Variants in ADGRG7 observed in about 807,000 individuals in gnomAD.
ADGRG7 encodes the protein G-protein coupled receptor 128.
ADGRG7 carries 82 observed loss-of-function variants against 88.6 expected under a neutral mutation model. That is an observed-to-expected ratio of 0.93 (90% CI 0.77 to 1.11). The LOEUF (loss-of-function observed/expected upper bound fraction) is 1.11. Ranked by LOEUF, ADGRG7 falls within the 50% of genes most tolerant of loss-of-function variation. The pLI, the probability that ADGRG7 is intolerant of heterozygous loss-of-function variation, is 0.00. For missense variants in ADGRG7, 945 were observed against 953.4 expected (o/e 0.99, Z 0.12); for synonymous variants, 381 against 345.2 (o/e 1.10, Z -1.15).
intron 14 of ADGRG7, among the ~76,000 whole-genome samples, chr3:100,664,169 G>A (rs1197337958): frequency 6.6e-6 from 1 of 151,978 alleles, no homozygotes; most frequent in African/African-American, 2.4e-5. Flanking sequence ...CTTTAAAAAA[G>A]TATTAATTTC....
intron 9 of ADGRG7, among the ~76,000 whole-genome samples, 195 bp from the exon 10 acceptor site, chr3:100,646,374 G>T (rs904366815): frequency 6.6e-6 from 1 of 152,160 alleles, no homozygotes; most frequent in Admixed American, 6.5e-5. Flanking sequence ...CATATCTGTT[G>T]TCAAACTAAC....
intron 1 of ADGRG7, among the ~76,000 whole-genome samples, chr3:100,620,832 TG>T (rs34070804): frequency 0.27 from 41,023 of 151,078 alleles, 5,994 homozygotes; most frequent in Non-Finnish European, 0.34. Flanking sequence ...ATAGGTATTA[TG>T]TTTTTTTTTT....
At chr3:100,638,293 G>A (rs1707579951) in intron 6 of ADGRG7, among the ~76,000 whole-genome samples, 1 of 152,180 alleles carries the variant, frequency 6.6e-6, no homozygotes, top group African/African-American at 2.4e-5. Flanking sequence ...ATTAAGTGAT[G>A]AGGGAAGCTC....
chr3:100,669,061 A>C lies in ADGRG7; in HGVS notation c.2092A>C (p.Arg698=). Residue 698 remains arginine (R), a synonymous_variant, in exon 15 of 16, where the codon AGG becomes CGG. Coordinates refer to ENST00000273352, the MANE Select transcript of ADGRG7 (RefSeq NM_032787.3). ...YLMLVNDDSI[R]IVFSYIFCLF... ...GATGCTAGTTAATGATGATAGCATCAGGATCGTCTTCAGCTACATATTCTG... is the reference window on the plus strand; with the variant it reads ...GATGCTAGTTAATGATGATAGCATCCGGATCGTCTTCAGCTACATATTCTG... The C allele has an allele frequency of 6.2e-7, 1 of 1,601,294 alleles. No homozygotes were observed. The highest frequency in any genetic ancestry group is 8.5e-7 in the Non-Finnish European group (1 of 1,174,768).
At chr3:100,643,023 C>A (rs957836726) in intron 6 of ADGRG7, among the ~76,000 whole-genome samples, 4 of 152,190 alleles carry the variant, frequency 2.6e-5, no homozygotes, top group African/African-American at 9.7e-5. Flanking sequence ...TGAGTTCTAC[C>A]TTTTTGCCAT....
At chr3:100,656,717 C>T (rs973963010) in intron 13 of ADGRG7, among the ~76,000 whole-genome samples, 3 of 152,072 alleles carry the variant, frequency 2.0e-5, no homozygotes, top group Non-Finnish European at 4.4e-5. Flanking sequence ...CACCGGAAGT[C>T]CCAAACCAAC....
At chr3:100,630,683 G>T (rs1387205865) in intron 2 of ADGRG7, 22 bp from the exon 3 acceptor site, 6 of 1,129,994 alleles carry the variant, frequency 5.3e-6, no homozygotes, top group African/African-American at 3.2e-5. Context: ...TTATAATAAA[G>T]AACTTTTTCT....
At chr3:100,662,870 G>GA (rs35226815) in intron 14 of ADGRG7, among the ~76,000 whole-genome samples, 74,843 of 151,754 alleles carry the variant, frequency 0.49, 20,292 homozygotes, top group Middle Eastern at 0.65. Context: ...GGGGATGGCA[G>GA]AAAAAAGACA....
Position 100,641,302 on chromosome 3 carries a change from G to A in ADGRG7, c.699-1964G>A, listed in dbSNP as rs140098459. ...GAGTTTTAACGTCTTTCTATATAAGGCTTTCTATATAAGGCTTATAGTAAT... is the reference window on the plus strand; with the variant it reads ...GAGTTTTAACGTCTTTCTATATAAGACTTTCTATATAAGGCTTATAGTAAT... On this transcript the variant is annotated intron_variant, in intron 6 of 15. Transcript: ENST00000273352. Among the ~76,000 whole-genome samples, 156 of 151,496 alleles carry A rather than the reference G, an allele frequency of 1.0e-3. 6 individuals are homozygous for A. In the East Asian group the frequency reaches 0.026, roughly 25 times the overall value.
rs182266272 is a variant in ADGRG7, at chr3:100,641,686, T to C, written c.699-1580T>C. Among the ~76,000 whole-genome samples, 6 of 152,366 alleles carry C rather than the reference T, an allele frequency of 3.9e-5. No homozygotes were observed. The East Asian group carries it at 1.2e-3, about 29-fold the overall frequency. On this transcript the variant is annotated intron_variant, in intron 6 of 15. Coordinates refer to ENST00000273352, the MANE Select transcript of ADGRG7 (RefSeq NM_032787.3). ...AGGGTCTTGAAATTTTATTTTCTTT[T>C]ATTGCCATATGGACCCTGGAGCAGG...
chr3:100,687,422 G>A (rs925122945), intron 15 of ADGRG7, among the ~76,000 whole-genome samples: 16 of 152,108 alleles, frequency 1.1e-4, no homozygotes, highest in African/African-American at 3.6e-4. Context: ...TGTTGAATAG[G>A]AGTGGTGACA....
intron 8 of ADGRG7, among the ~76,000 whole-genome samples, chr3:100,644,000 C>G (rs1199023996): frequency 6.6e-6 from 1 of 152,166 alleles, no homozygotes; most frequent in African/African-American, 2.4e-5. Context: ...ATGACACTCT[C>G]AGGCTCAGAT....
intron 4 of ADGRG7, among the ~76,000 whole-genome samples, chr3:100,635,331 C>T (rs1707521578): frequency 6.6e-6 from 1 of 152,190 alleles, no homozygotes; most frequent in Admixed American, 6.5e-5. Flanking sequence ...TTGCTATATA[C>T]ATCTCTGACC....
At chr3:100,659,559 T>TA in intron 13 of ADGRG7, 129 bp from the exon 14 acceptor site, 1 of 710,470 alleles carries the variant, frequency 1.4e-6, no homozygotes, top group African/African-American at 1.8e-5. Context: ...CTCAAATGTG[T>TA]AAAATGCAGA....
At chr3:100,641,606 G>A (rs777984637) in intron 6 of ADGRG7, among the ~76,000 whole-genome samples, 2 of 151,842 alleles carry the variant, frequency 1.3e-5, no homozygotes, top group Non-Finnish European at 2.9e-5. Context: ...TTGCAAACAC[G>A]CTACACGTGA....
At chr3:100,626,137 G>A (rs1322617062) in intron 1 of ADGRG7, among the ~76,000 whole-genome samples, 1 of 152,248 alleles carries the variant, frequency 6.6e-6, no homozygotes, top group South Asian at 2.1e-4. Context: ...AATCCGTGTG[G>A]TCCTGGGCTT....
intron 14 of ADGRG7, among the ~76,000 whole-genome samples, chr3:100,661,024 C>T (rs1018025085): frequency 2.6e-4 from 40 of 152,016 alleles, no homozygotes; most frequent in African/African-American, 8.9e-4. Context: ...GCTGACATTC[C>T]CTGCGGGGGT....
intron 15 of ADGRG7, among the ~76,000 whole-genome samples, chr3:100,689,701 C>G (rs1487064626): frequency 2.0e-5 from 3 of 152,276 alleles, no homozygotes; most frequent in Non-Finnish European, 4.4e-5. Flanking sequence ...TGAATATTGG[C>G]CCCCACTCTC....
At chr3:100,687,232 C>T (rs1030077012) in intron 15 of ADGRG7, among the ~76,000 whole-genome samples, 2 of 152,126 alleles carry the variant, frequency 1.3e-5, no homozygotes, top group Admixed American at 6.6e-5. Flanking sequence ...ATTTTGTATC[C>T]TGAGACTTTG....
Sources: gnomAD v4.1 joint callset for allele counts (sites outside exome capture counted in the v4.1 genomes callset) on GRCh38, gnomAD v4.1.1 for gene constraint, MANE v1.5 for transcripts, NCBI Gene and HGNC (gene_info 2026-07-23, HGNC 2026-07-21) for gene names.